The following SGCZ variants were observed in gnomAD, a reference collection of about 807,000 sequenced individuals.
The protein encoded by SGCZ is sarcoglycan zeta.
SGCZ carries 40 observed loss-of-function variants against 41.3 expected under a neutral mutation model. That is an observed-to-expected ratio of 0.97 (90% CI 0.75 to 1.26). The LOEUF is 1.26. Ranked by LOEUF, SGCZ falls within the 50% of genes most tolerant of loss-of-function variation. The pLI is 0.00. For synonymous variants in SGCZ, 206 were observed against 137.5 expected, an observed-to-expected ratio of 1.50 and a Z score of -3.49; for missense variants, 552 against 369.8, an observed-to-expected ratio of 1.49 and a Z score of -4.04.
chr8:14,750,519 T>C (rs2130314319), intron 1 of SGCZ, among the ~76,000 whole-genome samples: 1 of 152,282 alleles, frequency 6.6e-6, no homozygotes. Context: ...GTCACTTTTA[T>C]TATCATGGAA....
intron 1 of SGCZ, among the ~76,000 whole-genome samples, chr8:14,652,573 C>G (rs1292910461): frequency 6.6e-6 from 1 of 151,888 alleles, no homozygotes; most frequent in Non-Finnish European, 1.5e-5. Context: ...GAATTTAGCC[C>G]AGTAAGCATA....
chr8:14,212,215 C>T (rs1428183584), intron 4 of SGCZ, among the ~76,000 whole-genome samples: 1 of 152,076 alleles, frequency 6.6e-6, no homozygotes, highest in African/African-American at 2.4e-5. Flanking sequence ...CCCACACTGG[C>T]TCCTCCCTTT....
In SGCZ at chr8:14,561,096, G is replaced by T. The variant is rs191900015; in HGVS notation, c.40-6170C>A. Reference sequence around the variant, plus strand: ...TTCAAGATCACAAAAGCTTTCAGTGGCTGTTTTAGTGCAATAGTAGTATTA... The same window carrying T: ...TTCAAGATCACAAAAGCTTTCAGTGTCTGTTTTAGTGCAATAGTAGTATTA... On this transcript the variant is annotated intron_variant, in intron 1 of 7. Coordinates refer to ENST00000382080, the MANE Select transcript of SGCZ (RefSeq NM_139167.4). Among the ~76,000 whole-genome samples the T allele has an allele frequency of 2.0e-5, 3 of 152,074 alleles. No individual in the cohort carries two copies. In the East Asian group the frequency reaches 5.8e-4, roughly 29 times the overall value.
intron 1 of SGCZ, among the ~76,000 whole-genome samples, chr8:15,019,794 C>A (rs963591513): frequency 6.7e-6 from 1 of 150,220 alleles, no homozygotes; most frequent in East Asian, 2.0e-4. Flanking sequence ...ATCTCAGGAT[C>A]ATCTGGAGAA....
Position 15,054,676 on chromosome 8 carries a change from C to T in SGCZ, c.39+182909G>A, listed in dbSNP as rs192379430. On this transcript the variant is annotated intron_variant, in intron 1 of 7. Transcript: ENST00000382080. The stretch of plus-strand genomic sequence containing the variant: ...CTTCTTTAAGACTCAATTTTGTAGC[C>T]GGGCGCAGTGGCTCACACCTGCAAT... 3.1e-3 allele frequency among the ~76,000 whole-genome samples: 473 copies of T among 152,006 alleles called. 1 individual carries two copies. Among genetic ancestry groups the T allele is most frequent in the Admixed American group, 5.1e-3 (78 of 15,258 alleles).
intron 1 of SGCZ, among the ~76,000 whole-genome samples, chr8:14,681,252 A>G (rs1215835908): frequency 6.6e-6 from 1 of 152,160 alleles, no homozygotes; most frequent in Non-Finnish European, 1.5e-5. Flanking sequence ...GACATTATGT[A>G]CAGATGAACA....
chr8:15,186,964 C>T (rs1275532566), intron 1 of SGCZ, among the ~76,000 whole-genome samples: 1 of 152,080 alleles, frequency 6.6e-6, no homozygotes, highest in Non-Finnish European at 1.5e-5. Flanking sequence ...GATATAATGT[C>T]AGTTGAGAGG....
intron 3 of SGCZ, among the ~76,000 whole-genome samples, chr8:14,254,820 A>G (rs1191370628): frequency 6.6e-6 from 1 of 152,120 alleles, no homozygotes; most frequent in Non-Finnish European, 1.5e-5. Context: ...CAATTTACTA[A>G]AGCTGTAGAA....
chr8:14,833,889 A>C (rs1802611246), intron 1 of SGCZ, among the ~76,000 whole-genome samples: 1 of 152,208 alleles, frequency 6.6e-6, no homozygotes, highest in Non-Finnish European at 1.5e-5. Context: ...ATATTTATGA[A>C]AAATTAAAGG....
At chr8:14,185,286 C>A (rs2117032908) in intron 4 of SGCZ, among the ~76,000 whole-genome samples, 1 of 152,166 alleles carries the variant, frequency 6.6e-6, no homozygotes, top group Non-Finnish European at 1.5e-5. Flanking sequence ...TGCCTGTAGT[C>A]CTAGCTACTC....
At chr8:14,743,353 A>C (rs1799249891) in intron 1 of SGCZ, among the ~76,000 whole-genome samples, 1 of 152,098 alleles carries the variant, frequency 6.6e-6, no homozygotes, top group African/African-American at 2.4e-5. Context: ...CATATTGCTT[A>C]AGACTGCTCA....
chr8:14,446,346 AAACAATATGT>A (rs1011889422), intron 2 of SGCZ, among the ~76,000 whole-genome samples: 1 of 152,142 alleles, frequency 6.6e-6, no homozygotes, highest in African/African-American at 2.4e-5. Flanking sequence ...CTTTCTTTCA[AAACAATATGT>A]AACATTTCTG....
At chr8:14,117,067 C>T (rs1802545245) in intron 5 of SGCZ, among the ~76,000 whole-genome samples, 1 of 151,962 alleles carries the variant, frequency 6.6e-6, no homozygotes, top group Non-Finnish European at 1.5e-5. Flanking sequence ...GCCATAATAT[C>T]TTTAAAGATG....
rs1463420704 is a variant in SGCZ, at chr8:14,287,613, A to C, written c.336+36490T>G. Among the ~76,000 whole-genome samples, 7 of 152,120 alleles carry C rather than the reference A, an allele frequency of 4.6e-5. No homozygotes were observed. In the East Asian group the frequency reaches 1.2e-3, roughly 25 times the overall value. ...ATTGCCATCTAAACATTATAGTACT[A>C]ATGAGATAAGAACTCTTTGACATGT... On this transcript the variant is annotated intron_variant, in intron 3 of 7. Transcript: ENST00000382080.
intron 1 of SGCZ, among the ~76,000 whole-genome samples, chr8:15,199,828 G>GA (rs1412449821): frequency 1.3e-5 from 2 of 152,210 alleles, no homozygotes; most frequent in African/African-American, 4.8e-5. Flanking sequence ...AACCTTTGCG[G>GA]AAAAAAATTT....
chr8:14,299,032 A>C (rs1464413350), intron 3 of SGCZ, among the ~76,000 whole-genome samples: 2 of 152,144 alleles, frequency 1.3e-5, no homozygotes, highest in South Asian at 2.1e-4. Context: ...CCAGAAAAAG[A>C]CCCCAACTTG....
intron 1 of SGCZ, among the ~76,000 whole-genome samples, chr8:14,555,417 A>G (rs1804005081): frequency 6.6e-6 from 1 of 151,896 alleles, no homozygotes; most frequent in Non-Finnish European, 1.5e-5. Flanking sequence ...GGACGTGGTT[A>G]AGTGGGTGGC....
At chr8:15,095,309 A>G (rs1806304792) in intron 1 of SGCZ, among the ~76,000 whole-genome samples, 1 of 152,000 alleles carries the variant, frequency 6.6e-6, no homozygotes, top group South Asian at 2.1e-4. Context: ...ATGTTACCCA[A>G]GCTGATCTCA....
At chr8:14,656,049 A>C (rs1453874951) in intron 1 of SGCZ, among the ~76,000 whole-genome samples, 2 of 152,030 alleles carry the variant, frequency 1.3e-5, no homozygotes, top group Non-Finnish European at 2.9e-5. Context: ...CTTACAGATA[A>C]AGCTTCTGTA....
Sources: allele counts gnomAD v4.1 joint callset (sites outside exome capture counted in the v4.1 genomes callset), GRCh38; gene constraint gnomAD v4.1.1; transcripts MANE v1.5; gene names NCBI Gene and HGNC (gene_info 2026-07-23, HGNC 2026-07-21).